The following HEBP1 variants were observed in gnomAD, a reference collection of about 807,000 sequenced individuals.
The protein encoded by HEBP1 is heme binding protein 1.
Under a neutral mutation model 20.4 loss-of-function variants are expected in HEBP1, and 13 were observed. The ratio of observed to expected loss-of-function variants is 0.64; its 90% CI spans 0.42 to 1.01. The LOEUF (loss-of-function observed/expected upper bound fraction) is 1.01, where lower values mean the gene tolerates loss of function less well. Ranked by LOEUF, HEBP1 falls within the 50% of genes least tolerant of loss-of-function variation. The probability of loss-of-function intolerance (pLI) is 0.00; values close to 1 mark genes in which losing one functional copy is unlikely to be tolerated. For missense variants in HEBP1, 241 were observed against 247.3 expected (o/e 0.97, Z 0.17); for synonymous variants, 92 against 90.7 (o/e 1.01, Z -0.08).
At chr12:12,977,631 AT>A (rs1334269954) in intron 3 of HEBP1, 2 of 152,240 alleles carry the variant, frequency 1.3e-5, no homozygotes, top group Non-Finnish European at 2.9e-5. Context: ...TAGTAATATT[AT>A]GAACTGGCTC....
chr12:12,979,695 T>C (rs1206926949), intron 3 of HEBP1: 6 of 152,214 alleles, frequency 3.9e-5, no homozygotes, highest in Admixed American at 2.0e-4. Context: ...ACATTATCTT[T>C]GTAAGCCTGT....
intron 2 of HEBP1, 51 bp downstream of exon 2, chr12:12,989,226 C>CT (rs763247049): frequency 1.0e-5 from 16 of 1,603,648 alleles, no homozygotes; most frequent in Admixed American, 1.7e-5. Flanking sequence ...GAAGTGAGAC[C>CT]TTGCAAAGCT....
rs1864188290 is a variant in HEBP1 at position 12,989,285 on chromosome 12, T to C, written c.209A>G (p.Asn70Ser). ...CCTGCAGGGGTACTCACCCTTGTCA[T>C]TGGTGCCCCCCGCATACTTTGCGAC... is the stretch of plus-strand genomic sequence containing the variant. ...PKVAKYAGGT[N>S]DKGIGMGMTV... Residue 70 changes from asparagine (N) to serine (S), a missense_variant, in exon 2 of 4, where the codon AAT (asparagine) becomes AGT (serine). Physicochemically the swap from Asn to Ser is conservative, Grantham distance 46 (BLOSUM62 1). Coordinates refer to ENST00000014930, the MANE Select transcript of HEBP1 (RefSeq NM_015987.5). 3 of 1,613,946 alleles carry C rather than the reference T, an allele frequency of 1.9e-6. No individual in the cohort carries two copies. The highest frequency in any genetic ancestry group is 2.5e-6 in the Non-Finnish European group (3 of 1,180,020).
At chr12:12,979,368 G>T (rs1272337239) in intron 3 of HEBP1, 11 of 152,552 alleles carry the variant, frequency 7.2e-5, no homozygotes, top group Non-Finnish European at 1.3e-4. Context: ...GGTGGGCTAT[G>T]GGAACAGATA....
In HEBP1 at chr12:12,986,133, A is replaced by G. The variant is rs1201563519; in HGVS notation, c.398+1019T>C. The G allele has an allele frequency of 6.6e-6, 1 of 152,244 alleles. No individual in the cohort carries two copies. Among genetic ancestry groups the G allele is most frequent in the Non-Finnish European group, 1.5e-5 (1 of 68,056 alleles). 9.4% of individuals were successfully genotyped at this position (152,244 alleles called of 1,614,324 possible). A position where few individuals can be genotyped will look rare whatever the true frequency, so the allele number is the denominator to read the frequency against. On this transcript the variant is annotated intron_variant, in intron 3 of 3. Coordinates refer to ENST00000014930, the MANE Select transcript of HEBP1 (RefSeq NM_015987.5). This position sits in a 1 kb window ranked among gnomAD's most constrained non-coding sequence, Gnocchi z 4.3. ...TCTGAAGGGAAGCTGGGAAGTCTGAATGAGGACTGCAGGACAAGCACAGGA... is the reference window on the plus strand; with the variant it reads ...TCTGAAGGGAAGCTGGGAAGTCTGAGTGAGGACTGCAGGACAAGCACAGGA...
In HEBP1 at chr12:12,986,188, C is replaced by T. The variant is rs1016664462; in HGVS notation, c.398+964G>A. On this transcript the variant is annotated intron_variant, in intron 3 of 3. Coordinates refer to ENST00000014930, the MANE Select transcript of HEBP1 (RefSeq NM_015987.5). This position sits in a 1 kb window ranked among gnomAD's most constrained non-coding sequence, Gnocchi z 4.3. ...AGGCTCCGGTGCTAGCTCCCAGCTG[C>T]ATTACATTCACTGTCCTCTGGAGGG... 3.3e-5 allele frequency: 5 copies of T among 152,268 alleles called. No individual in the cohort carries two copies. The highest frequency in any genetic ancestry group is 7.3e-5 in the Non-Finnish European group (5 of 68,072). 9.4% of individuals were successfully genotyped at this position (152,268 alleles called of 1,614,324 possible).
At chr12:12,981,824 A>C (rs1213123924) in intron 3 of HEBP1, among the ~76,000 whole-genome samples, 1 of 152,154 alleles carries the variant, frequency 6.6e-6, no homozygotes, top group Non-Finnish European at 1.5e-5. Flanking sequence ...GGATGGCAAG[A>C]CATTCAGGGG....
At position 12,996,650 on chromosome 12, in the gene HEBP1, T is replaced by TAA. The variant is rs35369213; in HGVS notation, c.78+3385_78+3386dup. 6.6e-6 allele frequency among the ~76,000 whole-genome samples: 1 copy of TAA among 150,576 alleles called. No individual in the cohort carries two copies. The highest frequency in any genetic ancestry group is 1.5e-5 in the Non-Finnish European group (1 of 67,758). ...AATAATACCTTTATGTTTGTATATT[T>TAA]AAAAAAAAAAAGGTTTACAAGTATC... On this transcript the variant is annotated intron_variant, in intron 1 of 3. Coordinates refer to ENST00000014930, the MANE Select transcript of HEBP1 (RefSeq NM_015987.5). This position sits in a 1 kb window ranked among gnomAD's most constrained non-coding sequence, Gnocchi z 4.1.
chr12:12,977,255 G>A (rs960799650), intron 3 of HEBP1, among the ~76,000 whole-genome samples: 1 of 152,240 alleles, frequency 6.6e-6, no homozygotes, highest in African/African-American at 2.4e-5. Context: ...GAAGGCTACT[G>A]TAAAGATTAA....
chr12:12,993,860 G>A (rs1391049250), intron 1 of HEBP1, among the ~76,000 whole-genome samples: 1 of 152,186 alleles, frequency 6.6e-6, no homozygotes, highest in Non-Finnish European at 1.5e-5. Flanking sequence ...GGGGCAAGGA[G>A]TGCCAGGGCA....
chr12:12,990,454 G>A (rs1864208572), intron 1 of HEBP1, among the ~76,000 whole-genome samples: 1 of 151,950 alleles, frequency 6.6e-6, no homozygotes, highest in South Asian at 2.1e-4. Flanking sequence ...GGCATTATAG[G>A]CATGAGCCAC....
At chr12:12,991,838 T>C (rs1864229063) in intron 1 of HEBP1, among the ~76,000 whole-genome samples, 1 of 152,202 alleles carries the variant, frequency 6.6e-6, no homozygotes, top group Non-Finnish European at 1.5e-5. Flanking sequence ...TTCCATCCCA[T>C]TAGAAGAAGG....
intron 3 of HEBP1, among the ~76,000 whole-genome samples, chr12:12,981,442 G>A (rs897321979): frequency 6.6e-5 from 10 of 152,102 alleles, no homozygotes; most frequent in Admixed American, 2.6e-4. Context: ...AAAGACTTAC[G>A]GGATAACTGA....
chr12:12,990,831 G>A (rs923905009), intron 1 of HEBP1, among the ~76,000 whole-genome samples: 6 of 152,142 alleles, frequency 3.9e-5, no homozygotes, highest in South Asian at 2.1e-4. Context: ...AGATCAGTGC[G>A]TGAGATATTT....
At chr12:12,981,063 A>G (rs1864075526) in intron 3 of HEBP1, among the ~76,000 whole-genome samples, 2 of 152,234 alleles carry the variant, frequency 1.3e-5, no homozygotes, top group Non-Finnish European at 2.9e-5. Flanking sequence ...TACCATGGCA[A>G]TCATTTGTGC....
chr12:12,975,428 A>T lies in HEBP1; in HGVS notation c.450T>A (p.Arg150=), dbSNP rs1863966359. 1 of 1,612,574 alleles carries T rather than the reference A, an allele frequency of 6.2e-7. No individual in the cohort carries two copies. Among genetic ancestry groups the T allele is most frequent in the Non-Finnish European group, 8.5e-7 (1 of 1,179,458 alleles). Residue 150 remains arginine (R), a synonymous_variant, in exon 4 of 4, where the codon CGT becomes CGA. Coordinates refer to ENST00000014930, the MANE Select transcript of HEBP1 (RefSeq NM_015987.5). ...CTGTGCCCTCCAGGGCAGCACGCAGACGGGTGGCTTGTGCTACGTAGTCTG... is the reference window on the plus strand; with the variant it reads ...CTGTGCCCTCCAGGGCAGCACGCAGTCGGGTGGCTTGTGCTACGTAGTCTG... ...KEADYVAQAT[R]LRAALEGTAT...
intron 3 of HEBP1, 60 bp from the exon 4 acceptor site, chr12:12,975,539 T>C: frequency 6.8e-7 from 1 of 1,468,486 alleles, no homozygotes; most frequent in Non-Finnish European, 9.2e-7. Context: ...AGAGGGGGGA[T>C]CTTTAGAAAA....
chr12:13,000,192 C>T lies in HEBP1; in HGVS notation c.-78G>A. On this transcript the variant is annotated 5_prime_UTR_variant, in exon 1 of 4. Coordinates refer to ENST00000014930, the MANE Select transcript of HEBP1 (RefSeq NM_015987.5). ...ACGGAGCACCACGGGCAGCGACCAC[C>T]GGCGGCAGGGCGGCAGGGCGGCAGG... The T allele has an allele frequency of 3.4e-6, 2 of 584,878 alleles. No individual in the cohort carries two copies. The allele number at this position is 584,878 out of a possible 1,614,324, so 36.2% of individuals were successfully genotyped here.
In HEBP1 at chr12:12,998,718, G is replaced by A. The variant is rs996259123; in HGVS notation, c.78+1319C>T. Among the ~76,000 whole-genome samples the A allele has an allele frequency of 2.0e-5, 3 of 152,194 alleles. No homozygotes were observed. The highest frequency in any genetic ancestry group is 7.2e-5 in the African/African-American group (3 of 41,458). ...ACTAGGTATCAGAACTTGGCCCCCA[G>A]GCAATACAGTCCTTTCACAAATGAG... On this transcript the variant is annotated intron_variant, in intron 1 of 3. Transcript: ENST00000014930. The surrounding 1 kb of genome is among the most constrained non-coding windows in gnomAD (Gnocchi z 4.2).
Sources: gnomAD v4.1 joint callset for allele counts (sites outside exome capture counted in the v4.1 genomes callset) on GRCh38, gnomAD v4.1.1 for gene constraint, Gnocchi (gnomAD v3.1) non-coding constraint, MANE v1.5 for transcripts, NCBI Gene and HGNC (gene_info 2026-07-23, HGNC 2026-07-21) for gene names.